NDUFV2: variants seen among roughly 807,000 people sequenced by gnomAD.
The protein encoded by NDUFV2 is NADH:ubiquinone oxidoreductase core subunit V2.
In NDUFV2, 18 loss-of-function variants were observed where a neutral mutation model predicts 31.6. That is an observed-to-expected ratio of 0.57 (90% confidence interval 0.39 to 0.84). NDUFV2 has a LOEUF of 0.84. Among genes scored for constraint, NDUFV2 ranks in the 40% least tolerant of loss-of-function variants. NDUFV2 has a pLI of 0.00. For missense variants in NDUFV2, 314 were observed against 303.6 expected, an observed-to-expected ratio of 1.03 and a Z score of -0.26; for synonymous variants, 83 against 99.8, an observed-to-expected ratio of 0.83 and a Z score of 1.01.
At chr18:9,113,927 TTGTC>T (rs1406238032) in intron 1 of NDUFV2, among the ~76,000 whole-genome samples, 1 of 152,202 alleles carries the variant, frequency 6.6e-6, no homozygotes, top group African/African-American at 2.4e-5. Flanking sequence ...CTGAGGGGTT[TTGTC>T]TGTGGCTTGT....
At chr18:9,119,270 GTCAT>G (rs2077916900) in intron 2 of NDUFV2, 52 bp from the exon 3 acceptor site, 1 of 1,300,502 alleles carries the variant, frequency 7.7e-7, no homozygotes, top group African/African-American at 1.5e-5. Flanking sequence ...AATGTACAGT[GTCAT>G]TCACACTTGA....
Position 9,119,378 on chromosome 18 carries a change from A to G in NDUFV2, c.173A>G (p.Glu58Gly). 1.2e-6 allele frequency: 2 copies of G among 1,611,732 alleles called. No homozygotes were observed. The highest frequency in any genetic ancestry group is 1.7e-6 in the Non-Finnish European group (2 of 1,177,888). Residue 58 changes from glutamate (E) to glycine (G), a missense_variant, in exon 3 of 8, where the codon GAA becomes GGA. Physicochemically the swap from Glu to Gly is moderately conservative, Grantham distance 98. Transcript: ENST00000318388. ...GATACTCCATTTGATTTCACACCAG[A>G]AAACTATAAGGTATGGCTAAATTAA... ...NPDTPFDFTPENYKRIEAIVK... is the reference protein window; with the variant it reads ...NPDTPFDFTPGNYKRIEAIVK...
intron 7 of NDUFV2, among the ~76,000 whole-genome samples, chr18:9,131,245 T>A (rs936393320): frequency 6.6e-6 from 1 of 152,114 alleles, no homozygotes; most frequent in Admixed American, 6.5e-5. Flanking sequence ...AGAGGAGGGG[T>A]TGGCCTTGCT....
At chr18:9,109,033 T>C (rs1046265498) in intron 1 of NDUFV2, among the ~76,000 whole-genome samples, 5 of 152,192 alleles carry the variant, frequency 3.3e-5, no homozygotes, top group African/African-American at 1.2e-4. Context: ...TCTGAATGAA[T>C]GTATTGCAGA....
chr18:9,112,165 TGC>T, intron 1 of NDUFV2, among the ~76,000 whole-genome samples: 1 of 151,752 alleles, frequency 6.6e-6, no homozygotes, highest in African/African-American at 2.4e-5. Context: ...ACTACAGGTG[TGC>T]GCCACCACAC....
At chr18:9,133,188 T>TA (rs1555698435) in intron 7 of NDUFV2, among the ~76,000 whole-genome samples, 1 of 152,180 alleles carries the variant, frequency 6.6e-6, no homozygotes, top group African/African-American at 2.4e-5. Context: ...AGAACAGACT[T>TA]AAAGGATTGA....
At chr18:9,124,523 A>AC (rs1329542862) in intron 5 of NDUFV2, among the ~76,000 whole-genome samples, 18 of 143,920 alleles carry the variant, frequency 1.3e-4, no homozygotes, top group Non-Finnish European at 1.9e-4. Flanking sequence ...ATCTCGGCTC[A>AC]CTGCAAGCTC....
At chr18:9,104,826 T>C in intron 1 of NDUFV2, 1 of 1,099,296 alleles carries the variant, frequency 9.1e-7, no homozygotes, top group Non-Finnish European at 1.2e-6. Context: ...GTCATACGTG[T>C]GTAGAAAAAA....
chr18:9,109,695 C>T (rs947579890), intron 1 of NDUFV2, among the ~76,000 whole-genome samples: 3 of 152,090 alleles, frequency 2.0e-5, no homozygotes, highest in African/African-American at 4.8e-5. Flanking sequence ...ACTAATTGTG[C>T]GGTATGGGGC....
At chr18:9,118,029 A>T (rs934146236) in intron 2 of NDUFV2, 126 bp downstream of exon 2, 7 of 702,344 alleles carry the variant, frequency 1.0e-5, no homozygotes, top group Non-Finnish European at 1.8e-5. Flanking sequence ...GAGAATTTAC[A>T]TACAGCTAAT....
At chr18:9,105,907 C>A (rs1598340596) in intron 1 of NDUFV2, among the ~76,000 whole-genome samples, 1 of 151,952 alleles carries the variant, frequency 6.6e-6, no homozygotes, top group African/African-American at 2.4e-5. Context: ...TGATTTTTTT[C>A]TTGAAAATGT....
chr18:9,111,670 C>G (rs1455660018), intron 1 of NDUFV2, among the ~76,000 whole-genome samples: 1 of 151,856 alleles, frequency 6.6e-6, no homozygotes, highest in East Asian at 1.9e-4. Context: ...CTCAGGTGAT[C>G]CGTCCGCCTC....
At chr18:9,119,711 C>T (rs1405410740) in intron 4 of NDUFV2, 121 bp downstream of exon 4, 23 of 824,020 alleles carry the variant, frequency 2.8e-5, no homozygotes, top group Non-Finnish European at 4.7e-5. Flanking sequence ...AGCCCTTTAG[C>T]CATTTGTATG....
At chr18:9,118,941 A>G (rs2077914796) in intron 2 of NDUFV2, among the ~76,000 whole-genome samples, 1 of 151,032 alleles carries the variant, frequency 6.6e-6, no homozygotes, top group Non-Finnish European at 1.5e-5. Context: ...GAAAATACAC[A>G]TATGTTCACA....
intron 1 of NDUFV2, among the ~76,000 whole-genome samples, chr18:9,107,229 A>G (rs2077846407): frequency 6.6e-6 from 1 of 152,230 alleles, no homozygotes; most frequent in African/African-American, 2.4e-5. Context: ...TCTTTTTATT[A>G]GAGACTTGAA....
intron 2 of NDUFV2, 62 bp downstream of exon 2, chr18:9,117,965 T>C: frequency 8.8e-7 from 1 of 1,134,996 alleles, no homozygotes; most frequent in South Asian, 1.3e-5. Flanking sequence ...AAATCCATTG[T>C]AAAAATCCAA....
At chr18:9,105,237 C>T (rs1346227628) in intron 1 of NDUFV2, among the ~76,000 whole-genome samples, 2 of 152,218 alleles carry the variant, frequency 1.3e-5, no homozygotes, top group African/African-American at 4.8e-5. Context: ...AGATTATTTA[C>T]GCTTTCAAAG....
intron 4 of NDUFV2, among the ~76,000 whole-genome samples, chr18:9,122,301 G>A (rs1052363560): frequency 6.6e-5 from 10 of 151,968 alleles, no homozygotes; most frequent in Non-Finnish European, 1.3e-4. Context: ...TAACTTTCGG[G>A]CTCTGTATGG....
At chr18:9,129,918 T>C (rs757060492) in intron 7 of NDUFV2, among the ~76,000 whole-genome samples, 6 of 152,182 alleles carry the variant, frequency 3.9e-5, no homozygotes, top group Non-Finnish European at 8.8e-5. Context: ...ATTTAGTAGA[T>C]ATGTGGGACT....
Sources: allele counts gnomAD v4.1 joint callset (sites outside exome capture counted in the v4.1 genomes callset), GRCh38; gene constraint gnomAD v4.1.1; transcripts MANE v1.5; gene names NCBI Gene and HGNC (gene_info 2026-07-23, HGNC 2026-07-21).